PKD2L1: variants seen among roughly 807,000 people sequenced by gnomAD.
PKD2L1 encodes polycystin 2 like 1, transient receptor potential cation channel.
Under a neutral mutation model 93.0 loss-of-function variants are expected in PKD2L1, and 77 were observed. That is an observed-to-expected ratio of 0.83 (90% confidence interval 0.69 to 1.00). The LOEUF is 1.00. Among genes scored for constraint, PKD2L1 ranks in the 50% least tolerant of loss-of-function variants. The pLI is 0.00. For missense variants in PKD2L1, 977 were observed against 990.9 expected, an observed-to-expected ratio of 0.99 and a Z score of 0.19; for synonymous variants, 390 against 388.0, an observed-to-expected ratio of 1.01 and a Z score of -0.06.
intron 6 of PKD2L1, 149 bp from the exon 7 acceptor site, chr10:100,296,441 T>C: frequency 3.4e-6 from 2 of 585,150 alleles, no homozygotes; most frequent in East Asian, 6.5e-5. Flanking sequence ...CAGTTTCAAA[T>C]GGAACTTGGT....
intron 2 of PKD2L1, 50 bp downstream of exon 2, chr10:100,329,161 A>C: frequency 6.3e-7 from 1 of 1,575,620 alleles, no homozygotes; most frequent in South Asian, 1.1e-5. Flanking sequence ...TATAGTGCAC[A>C]CATAGATGTT....
intron 2 of PKD2L1, among the ~76,000 whole-genome samples, chr10:100,323,732 T>C (rs7097942): frequency 0.016 from 2,447 of 152,358 alleles, 38 homozygotes; most frequent in East Asian, 0.059. Flanking sequence ...TAATACATTA[T>C]TATTAACTGC....
In PKD2L1 at chr10:100,330,110, T is replaced by A. The variant is rs770405338; in HGVS notation, c.-7A>T. 1 of 1,542,226 alleles carries A rather than the reference T, an allele frequency of 6.5e-7. No individual in the cohort carries two copies. Among genetic ancestry groups the A allele is most frequent in the Non-Finnish European group, 8.8e-7 (1 of 1,135,142 alleles). On this transcript the variant is annotated 5_prime_UTR_variant, in exon 1 of 16. Transcript: ENST00000318222. Reference sequence around the variant, plus strand: ...GACTTCCCACAGCATTCATGGGGAATGAGGTGGGGGGGCCCGGTACCCCAG... The same window carrying A: ...GACTTCCCACAGCATTCATGGGGAAAGAGGTGGGGGGGCCCGGTACCCCAG...
rs1809867070 is a variant in PKD2L1 at position 100,329,490 on chromosome 10, T to G, written c.236-166A>C. ...CTACTGTACCCACACCCATGCTTGCTCTTCCCATCAGCTCCCTGAGGTCGA... is the reference window on the plus strand; with the variant it reads ...CTACTGTACCCACACCCATGCTTGCGCTTCCCATCAGCTCCCTGAGGTCGA... On this transcript the variant is annotated intron_variant, in intron 1 of 15. Coordinates refer to ENST00000318222, the MANE Select transcript of PKD2L1 (RefSeq NM_016112.3). The G allele has an allele frequency of 6.5e-6, 6 of 927,874 alleles. No individual in the cohort carries two copies. The South Asian group carries it at 9.9e-5, about 15-fold the overall frequency. 57.5% of individuals were successfully genotyped at this position (927,874 alleles called of 1,614,324 possible). A position where few individuals can be genotyped will look rare whatever the true frequency, so the allele number is the denominator to read the frequency against.
chr10:100,321,727 GAAA>G (rs1849241967), intron 2 of PKD2L1, among the ~76,000 whole-genome samples: 7 of 8,312 alleles, frequency 8.4e-4, no homozygotes, highest in South Asian at 8.2e-3. Context: ...AAGAAAGAAA[GAAA>G]GAAAGAAAGA....
At chr10:100,290,300 G>T in intron 13 of PKD2L1, 101 bp downstream of exon 13, 1 of 1,248,496 alleles carries the variant, frequency 8.0e-7, no homozygotes, top group Non-Finnish European at 1.2e-6. Context: ...GTTCTCCCTG[G>T]GGTAGGACAG....
At chr10:100,294,859 T>C (rs1848488435) in intron 8 of PKD2L1, 83 bp downstream of exon 8, 1 of 1,368,228 alleles carries the variant, frequency 7.3e-7, no homozygotes, top group Admixed American at 1.9e-5. Flanking sequence ...GACACGCACG[T>C]ACCCATCTTC....
intron 14 of PKD2L1, among the ~76,000 whole-genome samples, chr10:100,289,541 A>G (rs1044343944): frequency 1.3e-5 from 2 of 151,932 alleles, no homozygotes; most frequent in African/African-American, 4.8e-5. Context: ...TTCCATCTCA[A>G]ATAATAATAA....
intron 12 of PKD2L1, 51 bp from the exon 13 acceptor site, chr10:100,290,570 T>G (rs763924100): frequency 4.3e-6 from 5 of 1,176,272 alleles, no homozygotes; most frequent in Non-Finnish European, 6.3e-6. Flanking sequence ...TGGGAAGCCA[T>G]CAGCTCCTGT....
intron 2 of PKD2L1, among the ~76,000 whole-genome samples, chr10:100,302,941 C>T (rs926132231): frequency 2.6e-5 from 4 of 151,972 alleles, no homozygotes; most frequent in Non-Finnish European, 4.4e-5. Flanking sequence ...TTAGAAAATA[C>T]GTATTGAAGT....
At position 100,322,528 on chromosome 10, in the gene PKD2L1, G is replaced by T. The variant is rs1191883384; in HGVS notation, c.349+6683C>A. ...TGATGAAATGTTATAAATGATGAAAGTATACAATATAATACAACTAGGTAA... is the reference window on the plus strand; with the variant it reads ...TGATGAAATGTTATAAATGATGAAATTATACAATATAATACAACTAGGTAA... On this transcript the variant is annotated intron_variant, in intron 2 of 15. Coordinates refer to ENST00000318222, the MANE Select transcript of PKD2L1 (RefSeq NM_016112.3). 2.0e-5 allele frequency among the ~76,000 whole-genome samples: 3 copies of T among 151,728 alleles called. No individual in the cohort carries two copies. The East Asian group carries it at 5.8e-4, about 29-fold the overall frequency.
chr10:100,306,870 AAAAG>A (rs1486802459), intron 2 of PKD2L1, among the ~76,000 whole-genome samples: 17 of 150,224 alleles, frequency 1.1e-4, no homozygotes, highest in African/African-American at 3.9e-4. Flanking sequence ...AAAAAAAAAA[AAAAG>A]AAAGAGAGAG....
chr10:100,290,482 G>A lies in PKD2L1; in HGVS notation c.2045C>T (p.Ser682Phe). ...TTTGCCTTGTGGGCTGCTCACAATA[G>A]ATCGGCCTAGTTTCTCAATCTCAGT... ...LNTEIEKLGR[S>F]IVSSPQGKSG... The change falls in exon 13 of 16, where the codon TCT (serine) becomes TTT (phenylalanine). Residue 682 changes from serine (S) to phenylalanine (F), a missense_variant. Coordinates refer to ENST00000318222, the MANE Select transcript of PKD2L1 (RefSeq NM_016112.3). 6.2e-7 allele frequency: 1 copy of A among 1,613,602 alleles called. No homozygotes were observed. The highest frequency in any genetic ancestry group is 8.5e-7 in the Non-Finnish European group (1 of 1,179,972).
At chr10:100,316,459 T>C (rs1849103847) in intron 2 of PKD2L1, among the ~76,000 whole-genome samples, 1 of 152,236 alleles carries the variant, frequency 6.6e-6, no homozygotes, top group Non-Finnish European at 1.5e-5. Flanking sequence ...GTGTGAGCCA[T>C]CTTGCCCAGC....
intron 2 of PKD2L1, among the ~76,000 whole-genome samples, chr10:100,318,845 C>A (rs1216624418): frequency 2.3e-4 from 29 of 128,314 alleles, no homozygotes; most frequent in South Asian, 5.1e-4. Context: ...TTTTCTCTCT[C>A]TCTATCTTTT....
At chr10:100,326,927 A>T (rs1849392460) in intron 2 of PKD2L1, among the ~76,000 whole-genome samples, 1 of 152,240 alleles carries the variant, frequency 6.6e-6, no homozygotes, top group Non-Finnish European at 1.5e-5. Context: ...CCATGATAAA[A>T]TAGAAGTTAT....
intron 2 of PKD2L1, among the ~76,000 whole-genome samples, chr10:100,308,540 G>T (rs1848858847): frequency 6.6e-6 from 1 of 152,040 alleles, no homozygotes; most frequent in Non-Finnish European, 1.5e-5. Context: ...TCACCATGTT[G>T]ACCAGGCTAG....
At chr10:100,328,860 G>C (rs1341805847) in intron 2 of PKD2L1, among the ~76,000 whole-genome samples, 3 of 152,154 alleles carry the variant, frequency 2.0e-5, no homozygotes, top group African/African-American at 7.2e-5. Context: ...AAAGTGCTGG[G>C]ATTACAGGCG....
chr10:100,310,328 G>T (rs1418964206), intron 2 of PKD2L1, among the ~76,000 whole-genome samples: 1 of 152,118 alleles, frequency 6.6e-6, no homozygotes, highest in East Asian at 1.9e-4. Context: ...GACAGAACAA[G>T]ACTCTGTCTC....
Sources: allele counts gnomAD v4.1 joint callset (sites outside exome capture counted in the v4.1 genomes callset), GRCh38; gene constraint gnomAD v4.1.1; transcripts MANE v1.5; gene names NCBI Gene and HGNC (gene_info 2026-07-23, HGNC 2026-07-21).